The following EVI5 variants were observed in gnomAD, a reference collection of about 807,000 sequenced individuals.
The protein encoded by EVI5 is ecotropic viral integration site 5 protein homolog.
Under a neutral mutation model 112.0 loss-of-function variants are expected in EVI5, and 73 were observed. That is an observed-to-expected ratio of 0.65 (90% CI 0.54 to 0.79). The LOEUF (loss-of-function observed/expected upper bound fraction) is 0.79, where lower values mean the gene tolerates loss of function less well. Among genes scored for constraint, EVI5 ranks in the 30% least tolerant of loss-of-function variants. The pLI, the probability that EVI5 is intolerant of heterozygous loss-of-function variation, is 0.00. For synonymous variants in EVI5, 305 were observed against 319.9 expected, an observed-to-expected ratio of 0.95 and a Z score of 0.50; for missense variants, 900 against 968.8, an observed-to-expected ratio of 0.93 and a Z score of 0.94.
chr1:92,541,645 T>C (rs1184557384), intron 19 of EVI5, among the ~76,000 whole-genome samples: 1 of 152,186 alleles, frequency 6.6e-6, no homozygotes, highest in East Asian at 1.9e-4. Context: ...CATACGTTTA[T>C]ATGGAAACTT....
chr1:92,739,550 T>C (rs1323103816), intron 1 of EVI5, among the ~76,000 whole-genome samples: 2 of 152,114 alleles, frequency 1.3e-5, no homozygotes, highest in African/African-American at 4.8e-5. Context: ...ATATAATAAA[T>C]GCCACTGAAT....
intron 1 of EVI5, among the ~76,000 whole-genome samples, chr1:92,766,411 T>C (rs1370763666): frequency 6.6e-6 from 1 of 152,060 alleles, no homozygotes; most frequent in African/African-American, 2.4e-5. Flanking sequence ...AAAATACAAA[T>C]TCAGAACAAG....
intron 2 of EVI5, among the ~76,000 whole-genome samples, chr1:92,717,433 C>A (rs951958071): frequency 6.6e-6 from 1 of 152,118 alleles, no homozygotes; most frequent in Admixed American, 6.5e-5. Context: ...AATTTCATAT[C>A]CAGCCAAACT....
At chr1:92,641,485 T>C (rs1303658494) in intron 13 of EVI5, among the ~76,000 whole-genome samples, 1 of 152,234 alleles carries the variant, frequency 6.6e-6, no homozygotes, top group East Asian at 1.9e-4. Context: ...GGTTAATCTA[T>C]TTTTAATTGA....
At chr1:92,527,592 T>G (rs1161269574) in intron 19 of EVI5, among the ~76,000 whole-genome samples, 1 of 152,220 alleles carries the variant, frequency 6.6e-6, no homozygotes, top group African/African-American at 2.4e-5. Flanking sequence ...TGAGCCATAG[T>G]GCATTTCCCA....
At chr1:92,554,113 G>A (rs80014796) in intron 19 of EVI5, among the ~76,000 whole-genome samples, 1 of 152,324 alleles carries the variant, frequency 6.6e-6, no homozygotes, top group East Asian at 1.9e-4. Flanking sequence ...GAATCTGAAT[G>A]TCAAGTTGGA....
intron 1 of EVI5, among the ~76,000 whole-genome samples, chr1:92,760,540 T>C (rs1681667844): frequency 6.6e-6 from 1 of 151,576 alleles, no homozygotes; most frequent in Non-Finnish European, 1.5e-5. Context: ...GAGACCAGCC[T>C]GGCCAACATG....
chr1:92,781,955 A>T (rs1396816593), intron 1 of EVI5, among the ~76,000 whole-genome samples: 1 of 3,144 alleles, frequency 3.2e-4, no homozygotes, highest in Admixed American at 3.1e-3. Flanking sequence ...ATTCTGTCTC[A>T]AAAAAAAAAA....
intron 15 of EVI5, among the ~76,000 whole-genome samples, chr1:92,625,140 G>A (rs181356374): frequency 9.1e-4 from 139 of 152,180 alleles, no homozygotes; most frequent in Non-Finnish European, 1.7e-3. Context: ...ATTAAGGAAG[G>A]AATGTTAGAA....
intron 9 of EVI5, among the ~76,000 whole-genome samples, chr1:92,686,662 A>T (rs951836373): frequency 2.9e-4 from 44 of 152,248 alleles, no homozygotes; most frequent in Admixed American, 3.9e-4. Context: ...TCTCAGTGCA[A>T]AATCTCCTTA....
At chr1:92,756,036 T>C (rs964879441) in intron 1 of EVI5, 45 of 241,098 alleles carry the variant, frequency 1.9e-4, no homozygotes, top group African/African-American at 1.0e-3. Context: ...ATGACATCTC[T>C]ATCTAGCAGC....
intron 14 of EVI5, among the ~76,000 whole-genome samples, chr1:92,633,573 T>C (rs34966484): frequency 2.0e-5 from 3 of 152,158 alleles, no homozygotes; most frequent in Admixed American, 1.3e-4. Context: ...TGTCTTTGCA[T>C]GTGAGATGGG....
At chr1:92,563,787 G>A (rs748383478) in intron 18 of EVI5, 50 bp from the exon 19 acceptor site, 1 of 1,094,474 alleles carries the variant, frequency 9.1e-7, no homozygotes, top group East Asian at 2.4e-5. Flanking sequence ...ATTTTTCACA[G>A]CATGTACTCA....
chr1:92,603,371 G>T (rs990558260), intron 18 of EVI5, among the ~76,000 whole-genome samples: 12 of 152,060 alleles, frequency 7.9e-5, no homozygotes, highest in African/African-American at 2.7e-4. Flanking sequence ...TTAAAGCAGG[G>T]ACCTGAACAG....
intron 19 of EVI5, among the ~76,000 whole-genome samples, chr1:92,548,027 T>G (rs1432855943): frequency 1.3e-5 from 2 of 152,152 alleles, no homozygotes; most frequent in African/African-American, 4.8e-5. Flanking sequence ...TACCAAAGCC[T>G]GGCAGAGACA....
chr1:92,564,593 G>C (rs1571571272), intron 18 of EVI5, among the ~76,000 whole-genome samples: 2 of 152,172 alleles, frequency 1.3e-5, no homozygotes, highest in South Asian at 4.2e-4. Flanking sequence ...GTGAGCACTG[G>C]GACTATTTTC....
At chr1:92,768,857 C>T (rs547532973) in intron 1 of EVI5, among the ~76,000 whole-genome samples, 56 of 152,116 alleles carry the variant, frequency 3.7e-4, no homozygotes, top group African/African-American at 1.3e-3. Flanking sequence ...CTTGGGCGAC[C>T]GGGCAAGACC....
chr1:92,776,670 C>T (rs1684176370), intron 1 of EVI5, among the ~76,000 whole-genome samples: 1 of 150,324 alleles, frequency 6.7e-6, no homozygotes, highest in Non-Finnish European at 1.5e-5. Flanking sequence ...GTTTCACTCA[C>T]TGTCACCCAA....
intron 16 of EVI5, among the ~76,000 whole-genome samples, chr1:92,616,076 G>A (rs1207141306): frequency 6.6e-6 from 1 of 152,168 alleles, no homozygotes; most frequent in African/African-American, 2.4e-5. Context: ...CGGACTAGAA[G>A]ATGGCCCACT....
Sources: allele counts gnomAD v4.1 joint callset (sites outside exome capture counted in the v4.1 genomes callset), GRCh38; gene constraint gnomAD v4.1.1; transcripts MANE v1.5; gene names NCBI Gene and HGNC (gene_info 2026-07-23, HGNC 2026-07-21).